TNFSF4: variants seen among roughly 807,000 people sequenced by gnomAD.
TNFSF4 encodes tumor necrosis factor ligand superfamily member 4.
Under a neutral mutation model 7.3 loss-of-function variants are expected in TNFSF4, and 4 were observed. That is an observed-to-expected ratio of 0.55 (90% CI 0.27 to 1.25). The LOEUF is 1.25. Ranked by LOEUF, TNFSF4 falls within the 50% of genes most tolerant of loss-of-function variation. The pLI, the probability that TNFSF4 is intolerant of heterozygous loss-of-function variation, is 0.12. For missense variants in TNFSF4, 181 were observed against 208.8 expected (o/e 0.87, Z 0.82); for synonymous variants, 76 against 83.7 (o/e 0.91, Z 0.50).
chr1:173,341,758 T>G, the TNFSF4 span, among the ~76,000 whole-genome samples: 1 of 152,200 alleles, frequency 6.6e-6, no homozygotes. Flanking sequence ...AAATGTTGTT[T>G]TCCTTCCTTT....
At chr1:173,196,005 A>G (rs2101991187) in intron 1 of TNFSF4, among the ~76,000 whole-genome samples, 1 of 152,276 alleles carries the variant, frequency 6.6e-6, no homozygotes, top group East Asian at 1.9e-4. Flanking sequence ...TGACCTCACA[A>G]GCTCTCAGGG....
the TNFSF4 span, among the ~76,000 whole-genome samples, chr1:173,342,109 G>A: frequency 3.3e-4 from 51 of 152,270 alleles, no homozygotes; most frequent in Non-Finnish European, 5.7e-4. Context: ...GGGGGGAGGG[G>A]ACTTGTATGA....
chr1:173,424,407 C>T, the TNFSF4 span, among the ~76,000 whole-genome samples: 1 of 152,196 alleles, frequency 6.6e-6, no homozygotes, highest in African/African-American at 2.4e-5. Flanking sequence ...CTGGAAACAG[C>T]CATAAACAAG....
At chr1:173,359,452 T>TAAAA in the TNFSF4 span, among the ~76,000 whole-genome samples, 6 of 48,838 alleles carry the variant, frequency 1.2e-4, no homozygotes, top group African/African-American at 3.5e-4. Context: ...GTTTTATATT[T>TAAAA]AAAAAAAAAA....
the TNFSF4 span, among the ~76,000 whole-genome samples, chr1:173,310,617 G>C: frequency 1.3e-5 from 2 of 151,024 alleles, no homozygotes; most frequent in Non-Finnish European, 3.0e-5. Context: ...CTGTCCTTTA[G>C]ATATATTTTC....
the TNFSF4 span, among the ~76,000 whole-genome samples, chr1:173,446,181 C>T: frequency 3.3e-5 from 5 of 151,660 alleles, no homozygotes; most frequent in African/African-American, 4.8e-5. Flanking sequence ...AGGCAACTAT[C>T]GTAACTATGC....
the TNFSF4 span, among the ~76,000 whole-genome samples, chr1:173,223,831 C>A: frequency 6.6e-6 from 1 of 152,192 alleles, no homozygotes; most frequent in African/African-American, 2.4e-5. Flanking sequence ...CCAGCAAGAG[C>A]TCCAGGCAAA....
chr1:173,429,650 C>A, the TNFSF4 span, among the ~76,000 whole-genome samples: 169 of 152,320 alleles, frequency 1.1e-3, no homozygotes, highest in African/African-American at 2.7e-3. Flanking sequence ...ATGGCAGCAC[C>A]CAGCACTGTG....
chr1:173,288,729 C>T, the TNFSF4 span, among the ~76,000 whole-genome samples: 1 of 151,832 alleles, frequency 6.6e-6, no homozygotes, highest in South Asian at 2.1e-4. Context: ...TTGTAAAACA[C>T]AATTGTGAGT....
chr1:173,277,367 G>A, the TNFSF4 span, among the ~76,000 whole-genome samples: 1 of 152,122 alleles, frequency 6.6e-6, no homozygotes, highest in African/African-American at 2.4e-5. Flanking sequence ...GGGAGTCTGA[G>A]AGATTAGAGT....
the TNFSF4 span, among the ~76,000 whole-genome samples, chr1:173,178,059 TCCTA>T: frequency 3.9e-5 from 6 of 152,160 alleles, no homozygotes; most frequent in Admixed American, 6.5e-5. Context: ...CTCCTTATTA[TCCTA>T]CCTATTTTTT....
chr1:173,219,001 A>G, the TNFSF4 span, among the ~76,000 whole-genome samples: 5 of 152,168 alleles, frequency 3.3e-5, no homozygotes, highest in Non-Finnish European at 7.3e-5. Flanking sequence ...CCAATTGCCA[A>G]TTGTATTATA....
chr1:173,266,549 C>CCAACCATGGGTG, the TNFSF4 span, among the ~76,000 whole-genome samples: 1 of 152,104 alleles, frequency 6.6e-6, no homozygotes, highest in East Asian at 1.9e-4. Flanking sequence ...TACAGGAAGC[C>CCAACCATGGGTG]TTTCTAGCCA....
the TNFSF4 span, among the ~76,000 whole-genome samples, chr1:173,266,686 T>C: frequency 6.6e-6 from 1 of 152,194 alleles, no homozygotes; most frequent in Non-Finnish European, 1.5e-5. Context: ...TCCTTGATGG[T>C]CACATTTATT....
the TNFSF4 span, among the ~76,000 whole-genome samples, chr1:173,327,893 C>T: frequency 0.47 from 71,763 of 151,284 alleles, 18,756 homozygotes; most frequent in African/African-American, 0.71. Flanking sequence ...GGAACACTTT[C>T]ACATTGTTGG....
At chr1:173,195,481 C>T (rs1269171309) in intron 1 of TNFSF4, among the ~76,000 whole-genome samples, 1 of 152,216 alleles carries the variant, frequency 6.6e-6, no homozygotes, top group Non-Finnish European at 1.5e-5. Flanking sequence ...CTTTCTTGGC[C>T]TCCTTCAGTG....
chr1:173,302,312 A>T, the TNFSF4 span, among the ~76,000 whole-genome samples: 4 of 151,916 alleles, frequency 2.6e-5, no homozygotes, highest in African/African-American at 9.7e-5. Context: ...GAAGAAAAAG[A>T]GTTATTTTAT....
chr1:173,209,796 C>A (rs1315571007), upstream of TNFSF4, among the ~76,000 whole-genome samples: 1 of 152,308 alleles, frequency 6.6e-6, no homozygotes, highest in East Asian at 1.9e-4. Flanking sequence ...AGCCACCAAG[C>A]CTGGTGGCAA....
intron 1 of TNFSF4, among the ~76,000 whole-genome samples, chr1:173,191,259 C>T (rs1311355735): frequency 6.6e-6 from 1 of 152,174 alleles, no homozygotes. Flanking sequence ...GGAGTCTAGA[C>T]TTCCAGTAGA....
Sources: allele counts gnomAD v4.1 joint callset (sites outside exome capture counted in the v4.1 genomes callset), GRCh38; gene constraint gnomAD v4.1.1; transcripts MANE v1.5; gene names NCBI Gene and HGNC (gene_info 2026-07-23, HGNC 2026-07-21).